The following FHIT variants were observed in gnomAD, a reference collection of about 807,000 sequenced individuals.
The protein encoded by FHIT is bis(5'-adenosyl)-triphosphatase.
In FHIT, 19 loss-of-function variants were observed where a neutral mutation model predicts 17.9. The ratio of observed to expected loss-of-function variants is 1.06; its 90% CI spans 0.74 to 1.56. FHIT has a LOEUF of 1.56. Among genes scored for constraint, FHIT ranks in the 40% most tolerant of loss-of-function variants. FHIT has a pLI of 0.00. For synonymous variants in FHIT, 81 were observed against 69.7 expected (o/e 1.16, Z -0.81); for missense variants, 248 against 189.2 (o/e 1.31, Z -1.82).
At chr3:60,116,509 T>A (rs1424510336) in intron 5 of FHIT, among the ~76,000 whole-genome samples, 2 of 152,134 alleles carry the variant, frequency 1.3e-5, no homozygotes, top group Admixed American at 1.3e-4. Flanking sequence ...TGAGATACTG[T>A]TTACCTAGGA....
chr3:60,126,639 C>T, intron 5 of FHIT, among the ~76,000 whole-genome samples: 1 of 152,158 alleles, frequency 6.6e-6, no homozygotes, highest in Non-Finnish European at 1.5e-5. Context: ...GAATTTGATT[C>T]ACAACAGAAC....
At chr3:60,667,702 C>A (rs189920119) in intron 4 of FHIT, among the ~76,000 whole-genome samples, 1 of 151,282 alleles carries the variant, frequency 6.6e-6, no homozygotes, top group East Asian at 2.0e-4. Flanking sequence ...GGGCATTTTG[C>A]CTATTATGAT....
rs1559562941 is a variant in FHIT at position 60,029,905 on chromosome 3, G to GTGTGTGTGTGTGTGTC, written c.104-15754_104-15753insGACACACACACACACA. 3.3e-3 allele frequency among the ~76,000 whole-genome samples: 490 copies of GTGTGTGTGTGTGTGTC among 147,454 alleles called. 6 individuals are homozygous for GTGTGTGTGTGTGTGTC. The highest frequency in any genetic ancestry group is 0.012 in the African/African-American group (458 of 39,264). ...TGTGTGTGTGTGTGTGTCTGTGTGT[G>GTGTGTGTGTGTGTGTC]TGTGTGTGTGTGTGTGTGTGTGTAC... is the stretch of plus-strand genomic sequence containing the variant. On this transcript the variant is annotated intron_variant, in intron 5 of 9. Coordinates refer to ENST00000492590, the MANE Select transcript of FHIT (RefSeq NM_002012.4).
At chr3:60,576,758 A>ATCT (rs2037578921) in intron 4 of FHIT, among the ~76,000 whole-genome samples, 2 of 152,142 alleles carry the variant, frequency 1.3e-5, no homozygotes, top group African/African-American at 4.8e-5. Context: ...GCAGGGGAAT[A>ATCT]GATTTAAAAT....
intron 3 of FHIT, among the ~76,000 whole-genome samples, chr3:60,989,738 G>T (rs2030014746): frequency 6.6e-6 from 1 of 152,046 alleles, no homozygotes; most frequent in Admixed American, 6.6e-5. Context: ...GTTTCCCTTT[G>T]ATTTACCATC....
At chr3:60,469,244 TTCTC>T (rs147209498) in intron 5 of FHIT, among the ~76,000 whole-genome samples, 7 of 150,884 alleles carry the variant, frequency 4.6e-5, no homozygotes, top group Admixed American at 2.0e-4. Flanking sequence ...GAATTAACTT[TTCTC>T]TCTCTCTCTC....
At chr3:61,207,652 G>C (rs190341759) in intron 1 of FHIT, among the ~76,000 whole-genome samples, 1 of 152,268 alleles carries the variant, frequency 6.6e-6, no homozygotes, top group African/African-American at 2.4e-5. Flanking sequence ...ATTTCTGTGG[G>C]ATCGGTGTTG....
chr3:60,178,244 T>C (rs147185933), intron 5 of FHIT, among the ~76,000 whole-genome samples: 32 of 152,232 alleles, frequency 2.1e-4, no homozygotes, highest in African/African-American at 6.7e-4. Flanking sequence ...ATTTCACAAA[T>C]GTTAACTTCC....
At chr3:60,458,247 G>C (rs536263700) in intron 5 of FHIT, among the ~76,000 whole-genome samples, 1 of 152,102 alleles carries the variant, frequency 6.6e-6, no homozygotes, top group Non-Finnish European at 1.5e-5. Flanking sequence ...GGAATACTAT[G>C]CAGCCATAAA....
intron 5 of FHIT, among the ~76,000 whole-genome samples, chr3:60,327,354 A>T (rs898139944): frequency 1.3e-5 from 2 of 152,198 alleles, no homozygotes; most frequent in Non-Finnish European, 2.9e-5. Context: ...AAAGTGTCAG[A>T]GATTAGCTAT....
At chr3:61,135,920 C>T (rs2036902688) in intron 2 of FHIT, among the ~76,000 whole-genome samples, 2 of 152,116 alleles carry the variant, frequency 1.3e-5, no homozygotes, top group African/African-American at 4.8e-5. Flanking sequence ...AAGGGAAAAA[C>T]TAAAAGCATC....
intron 2 of FHIT, among the ~76,000 whole-genome samples, chr3:61,133,447 C>T (rs765541089): frequency 5.3e-5 from 8 of 151,914 alleles, no homozygotes; most frequent in Non-Finnish European, 1.2e-4. Flanking sequence ...TAAGACAGAA[C>T]ATAGAAAAAG....
intron 3 of FHIT, among the ~76,000 whole-genome samples, chr3:60,899,865 G>A (rs1267954037): frequency 1.3e-5 from 2 of 152,172 alleles, no homozygotes; most frequent in African/African-American, 4.8e-5. Flanking sequence ...GGTAGGGGCT[G>A]AGGAAAAGTG....
chr3:61,208,198 G>A (rs904968144), intron 1 of FHIT, among the ~76,000 whole-genome samples: 1 of 151,978 alleles, frequency 6.6e-6, no homozygotes, highest in East Asian at 1.9e-4. Context: ...TCTAATTTCT[G>A]TTCTTTTACA....
chr3:60,570,788 A>G (rs1254542074), intron 4 of FHIT, among the ~76,000 whole-genome samples: 1 of 151,532 alleles, frequency 6.6e-6, no homozygotes, highest in Non-Finnish European at 1.5e-5. Flanking sequence ...GTTATGGCAC[A>G]GTGTTGACAA....
chr3:60,136,087 T>C (rs975413636), intron 5 of FHIT, among the ~76,000 whole-genome samples: 1 of 152,194 alleles, frequency 6.6e-6, no homozygotes, highest in Non-Finnish European at 1.5e-5. Context: ...GACTTGCTCA[T>C]GACTAAATCA....
At chr3:60,815,142 G>C (rs1478110669) in intron 4 of FHIT, among the ~76,000 whole-genome samples, 1 of 151,952 alleles carries the variant, frequency 6.6e-6, no homozygotes. Context: ...CCAGATATTA[G>C]ACCTTTAGTG....
chr3:60,448,471 A>G (rs1237334562), intron 5 of FHIT, among the ~76,000 whole-genome samples: 1 of 152,226 alleles, frequency 6.6e-6, no homozygotes, highest in Non-Finnish European at 1.5e-5. Flanking sequence ...TGCCAAGGAT[A>G]TTACATAAAA....
chr3:60,512,511 G>A (rs375852408), intron 5 of FHIT, among the ~76,000 whole-genome samples: 20 of 152,142 alleles, frequency 1.3e-4, no homozygotes, highest in African/African-American at 4.6e-4. Context: ...ATTCAGCTTT[G>A]TCTTTGAATT....
Sources: allele counts gnomAD v4.1 joint callset (sites outside exome capture counted in the v4.1 genomes callset), GRCh38; gene constraint gnomAD v4.1.1; transcripts MANE v1.5; gene names NCBI Gene and HGNC (gene_info 2026-07-23, HGNC 2026-07-21).